VN1R1: variants seen among roughly 807,000 people sequenced by gnomAD.
VN1R1 encodes vomeronasal 1 receptor 1.
For synonymous variants in VN1R1, 168 were observed against 149.8 expected (o/e 1.12, Z -0.89); for missense variants, 391 against 410.3 (o/e 0.95, Z 0.41).
rs763828507 is a variant in VN1R1, at chr19:57,456,256, T to G, written c.231A>C (p.Gly77=). ...LCFYNLILFT[G]HKLRPTDLIL... ...TCAAGTCCGTGGGTCTCAGCTTGTG[T>G]CCAGTGAACAAAATTAAGTTATAAA... Residue 77 remains glycine (G), a synonymous_variant, in exon 1 of 1, where the codon GGA becomes GGC. Transcript: ENST00000321039. The G allele has an allele frequency of 1.1e-5, 18 of 1,613,776 alleles. No homozygotes were observed. The highest frequency in any genetic ancestry group is 1.5e-5 in the Non-Finnish European group (18 of 1,179,956).
At position 57,455,636 on chromosome 19, in the gene VN1R1, A is replaced by G. The variant is rs376318602; in HGVS notation, c.851T>C (p.Val284Ala). 9.2e-5 allele frequency: 148 copies of G among 1,614,128 alleles called. No homozygotes were observed. Among genetic ancestry groups the G allele is most frequent in the Middle Eastern group, 8.2e-4 (5 of 6,062 alleles). ...CAGAAAACTATGGACTGAATAGAAA[A>G]CAAAAAAGGAGCTCACCAGGACCAT... ...TIMVLVSSFF[V>A]FYSVHSFLTI... The change falls in exon 1 of 1, where the codon GTT becomes GCT. Residue 284 changes from valine (V) to alanine (A), a missense_variant. By Grantham distance (64) the Val-to-Ala change is moderately conservative. Transcript: ENST00000321039.
Position 57,456,503 on chromosome 19 carries a change from C to A in VN1R1, c.-17G>T. ...TCCAACCATATTTTCTCATCTTAAA[C>A]AGAAATTAAGATTGTCCCTGTTCGT... is the stretch of plus-strand genomic sequence containing the variant. On this transcript the variant is annotated 5_prime_UTR_variant, in exon 1 of 1. Transcript: ENST00000321039. 2.0e-6 allele frequency: 3 copies of A among 1,532,266 alleles called. No homozygotes were observed. Among genetic ancestry groups the A allele is most frequent in the Non-Finnish European group, 2.6e-6 (3 of 1,142,044 alleles). 94.9% of individuals were successfully genotyped at this position (1,532,266 alleles called of 1,614,324 possible). A position where few individuals can be genotyped will look rare whatever the true frequency, so the allele number is the denominator to read the frequency against.
At position 57,457,094 on chromosome 19, in the gene VN1R1, G is replaced by T. The variant is rs1213678454; in HGVS notation, c.-608C>A. On this transcript the variant is annotated 5_prime_UTR_variant, in exon 1 of 1. Coordinates refer to ENST00000321039, the MANE Select transcript of VN1R1 (RefSeq NM_020633.4). ...TAGCCGGGCATGGCGGCGCGTGCTA[G>T]TCCCAGCTACTCGGGAGGCTGAGGC... The T allele has an allele frequency of 6.6e-6, 1 of 151,504 alleles. No homozygotes were observed. Among genetic ancestry groups the T allele is most frequent in the Non-Finnish European group, 1.5e-5 (1 of 67,970 alleles). 9.4% of individuals were successfully genotyped at this position (151,504 alleles called of 1,614,324 possible).
chr19:57,456,545 G>T lies in VN1R1; in HGVS notation c.-59C>A. 7.1e-6 allele frequency: 10 copies of T among 1,406,034 alleles called. No individual in the cohort carries two copies. The highest frequency in any genetic ancestry group is 8.5e-6 in the Non-Finnish European group (9 of 1,054,516). 87.1% of individuals were successfully genotyped at this position (1,406,034 alleles called of 1,614,324 possible). On this transcript the variant is annotated 5_prime_UTR_variant, in exon 1 of 1. Coordinates refer to ENST00000321039, the MANE Select transcript of VN1R1 (RefSeq NM_020633.4). ...CCTGTTCGTGCAAAGGCAATTGCTT[G>T]TGTGTCCAACTGCAGAGAAGCAGGT...
In VN1R1 at chr19:57,455,418, A is replaced by C; in HGVS notation, c.*7T>G. The C allele has an allele frequency of 6.3e-7, 1 of 1,597,806 alleles. No homozygotes were observed. Among genetic ancestry groups the C allele is most frequent in the Non-Finnish European group, 8.5e-7 (1 of 1,172,728 alleles). On this transcript the variant is annotated 3_prime_UTR_variant, in exon 1 of 1. Coordinates refer to ENST00000321039, the MANE Select transcript of VN1R1 (RefSeq NM_020633.4). ...ATAAATAGCTGAATTCCATGAAGAGAAAAGACTCATGGCATGACAACCAGA... is the reference window on the plus strand; with the variant it reads ...ATAAATAGCTGAATTCCATGAAGAGCAAAGACTCATGGCATGACAACCAGA...
chr19:57,455,387 G>T lies in VN1R1; in HGVS notation c.*38C>A, dbSNP rs190092614. On this transcript the variant is annotated 3_prime_UTR_variant, in exon 1 of 1. Transcript: ENST00000321039. ...TAATATTTCCTAAATCTTAGCAAGA[G>T]TTATGATAAATAGCTGAATTCCATG... is the stretch of plus-strand genomic sequence containing the variant. The T allele has an allele frequency of 1.9e-6, 3 of 1,548,890 alleles. No homozygotes were observed.
Position 57,455,661 on chromosome 19 carries a change from T to A in VN1R1, c.826A>T (p.Met276Leu). The change falls in exon 1 of 1, where the codon ATG (methionine) becomes TTG (leucine). Residue 276 changes from methionine to leucine, a missense_variant. Met to Leu is a conservative substitution (Grantham distance 15). Coordinates refer to ENST00000321039, the MANE Select transcript of VN1R1 (RefSeq NM_020633.4). ...ACAAAAAAGGAGCTCACCAGGACCA[T>A]GATGGTGTGTGTGGCTCTGGCTTCC... ...SQEARATHTI[M>L]VLVSSFFVFY... The A allele has an allele frequency of 6.2e-7, 1 of 1,614,160 alleles. No homozygotes were observed. The highest frequency in any genetic ancestry group is 8.5e-7 in the Non-Finnish European group (1 of 1,180,012).
rs1337374948 is a variant in VN1R1, at chr19:57,455,751, G to C, written c.736C>G (p.Leu246Val). Residue 246 changes from leucine (L) to valine (V), a missense_variant, in exon 1 of 1, where the codon CTC (leucine) becomes GTC (valine). Leu to Val is a conservative substitution (Grantham distance 32). Transcript: ENST00000321039. ...VWASGSMVFF[L>V]YRHKQQVQHN... ...TGGACTTGCTGCTTGTGTCTGTAGA[G>C]GAAGAAGACCATGGAGCCACTGGCC... The C allele has an allele frequency of 6.2e-7, 1 of 1,614,174 alleles. No individual in the cohort carries two copies. Among genetic ancestry groups the C allele is most frequent in the East Asian group, 2.2e-5 (1 of 44,894 alleles).
rs1423719627 is a variant in VN1R1, at chr19:57,456,742, A to G, written c.-256T>C. ...ATTATACTATAGTTTGCAAAATGTA[A>G]TCATGACGGAACCCTGGGTAATATG... On this transcript the variant is annotated 5_prime_UTR_variant, in exon 1 of 1. Transcript: ENST00000321039. 5.8e-6 allele frequency: 2 copies of G among 343,778 alleles called. No individual in the cohort carries two copies. The highest frequency in any genetic ancestry group is 1.0e-5 in the Non-Finnish European group (2 of 190,928). 21.3% of individuals were successfully genotyped at this position (343,778 alleles called of 1,614,324 possible).
At position 57,455,867 on chromosome 19, in the gene VN1R1, T is replaced by A; in HGVS notation, c.620A>T (p.Tyr207Phe). ...TCTCTTTGATGCTTTGTAAGAACAG[T>A]ATCCATAATTGTTTTTTGCACTACT... Reference protein sequence around the residue: ...KNSSAKNNYGYCSYKASKRFS... With the variant: ...KNSSAKNNYGFCSYKASKRFS... The change falls in exon 1 of 1, where the codon TAC becomes TTC. Residue 207 changes from tyrosine to phenylalanine, a missense_variant. By Grantham distance (22) the Tyr-to-Phe change is conservative (BLOSUM62 3). Coordinates refer to ENST00000321039, the MANE Select transcript of VN1R1 (RefSeq NM_020633.4). 1 of 1,614,234 alleles carries A rather than the reference T, an allele frequency of 6.2e-7. No individual in the cohort carries two copies. Among genetic ancestry groups the A allele is most frequent in the Non-Finnish European group, 8.5e-7 (1 of 1,180,044 alleles).
chr19:57,456,451 C>A lies in VN1R1; in HGVS notation c.36G>T (p.Leu12=). ...AAAGCAGAAAGAAGTATCTTGTCAT[C>A]AGTGGAGACAGAAGTTTTAATGTGT... is the stretch of plus-strand genomic sequence containing the variant. ...VGDTLKLLSP[L]MTRYFFLLFY... is the part of the protein sequence containing the mutation. The change falls in exon 1 of 1, where the codon CTG becomes CTT. Residue 12 remains leucine (L), a synonymous_variant. Coordinates refer to ENST00000321039, the MANE Select transcript of VN1R1 (RefSeq NM_020633.4). 1 of 1,589,950 alleles carries A rather than the reference C, an allele frequency of 6.3e-7. No homozygotes were observed. The highest frequency in any genetic ancestry group is 8.6e-7 in the Non-Finnish European group (1 of 1,165,732).
Position 57,456,402 on chromosome 19 carries a change from G to C in VN1R1, c.85C>G (p.Leu29Val), listed in dbSNP as rs766933598. The change falls in exon 1 of 1, where the codon CTC (leucine) becomes GTC (valine). Residue 29 changes from leucine to valine, a missense_variant. Leu to Val is a conservative substitution (Grantham distance 32). Transcript: ENST00000321039. ...LLFYSTDSSDLNENQHPLDFD... is the reference protein window; with the variant it reads ...LLFYSTDSSDVNENQHPLDFD... ...TCTAGGGGATGTTGATTTTCATTGA[G>C]GTCTGAAGAATCAGTAGAATAAAAA... The C allele has an allele frequency of 6.2e-7, 1 of 1,612,004 alleles. No individual in the cohort carries two copies.
In VN1R1 at chr19:57,456,803, T is replaced by G. The variant is rs73936946; in HGVS notation, c.-317A>C. 4.3e-6 allele frequency: 1 copy of G among 231,044 alleles called. No homozygotes were observed. Among genetic ancestry groups the G allele is most frequent in the African/African-American group, 2.2e-5 (1 of 44,490 alleles). 14.3% of individuals were successfully genotyped at this position (231,044 alleles called of 1,614,324 possible). A position where few individuals can be genotyped will look rare whatever the true frequency, so the allele number is the denominator to read the frequency against. ...TTTCTGTATTATTTCTTATGACTGC[T>G]TGTGAGTCTACACTTATTTCAATAA... On this transcript the variant is annotated 5_prime_UTR_variant, in exon 1 of 1. Transcript: ENST00000321039.
Position 57,456,223 on chromosome 19 carries a change from G to A in VN1R1, c.264C>T (p.Ser88=), listed in dbSNP as rs553434064. The A allele has an allele frequency of 6.2e-7, 1 of 1,614,208 alleles. No individual in the cohort carries two copies. Among genetic ancestry groups the A allele is most frequent in the South Asian group, 1.1e-5 (1 of 91,086 alleles). ...CCATGGAGTTAGCCAAGGCCAGTTGGCTGAGAATCAAGTCCGTGGGTCTCA... is the reference window on the plus strand; with the variant it reads ...CCATGGAGTTAGCCAAGGCCAGTTGACTGAGAATCAAGTCCGTGGGTCTCA... ...HKLRPTDLIL[S]QLALANSMVL... is the part of the protein sequence containing the mutation. The change falls in exon 1 of 1, where the codon AGC becomes AGT. Residue 88 remains serine (S), a synonymous_variant. Transcript: ENST00000321039.
rs2089121902 is a variant in VN1R1 at position 57,454,850 on chromosome 19, T to A, written c.*575A>T. 1 of 152,280 alleles carries A rather than the reference T, an allele frequency of 6.6e-6. No individual in the cohort carries two copies. Among genetic ancestry groups the A allele is most frequent in the Non-Finnish European group, 1.5e-5 (1 of 68,144 alleles). 9.4% of individuals were successfully genotyped at this position (152,280 alleles called of 1,614,324 possible). A position where few individuals can be genotyped will look rare whatever the true frequency, so the allele number is the denominator to read the frequency against. ...CTCGTGCTTCACCCTCTGGAGTAGC[T>A]GGGACTACAGGTGTGTGCCACATGG... On this transcript the variant is annotated 3_prime_UTR_variant, in exon 1 of 1. Coordinates refer to ENST00000321039, the MANE Select transcript of VN1R1 (RefSeq NM_020633.4).
rs765008402 is a variant in VN1R1, at chr19:57,456,027, T to C, written c.460A>G (p.Ile154Val). Residue 154 changes from isoleucine to valine, a missense_variant, in exon 1 of 1, where the codon ATA becomes GTA. Physicochemically the swap from Ile to Val is conservative, Grantham distance 29. Coordinates refer to ENST00000321039, the MANE Select transcript of VN1R1 (RefSeq NM_020633.4). ...ATCTTGATCTCCATCCACCTGCATA[T>C]ACTGGGGTTGAGCTTAATGGCTTGG... is the stretch of plus-strand genomic sequence containing the variant. Reference protein sequence around the residue: ...GFQAIKLNPSICRWMEIKIRS... With the variant: ...GFQAIKLNPSVCRWMEIKIRS... 12 of 1,614,194 alleles carry C rather than the reference T, an allele frequency of 7.4e-6. No homozygotes were observed. Among genetic ancestry groups the C allele is most frequent in the Non-Finnish European group, 1.0e-5 (12 of 1,180,048 alleles).
At chr19:57,456,460 CAG>C in the VN1R1 span, 5 of 1,585,016 alleles carry the variant, frequency 3.2e-6, no homozygotes, top group Non-Finnish European at 4.3e-6. Context: ...TCAGTGGAGA[CAG>C]AAGTTTTAAT....
rs1362177729 is a variant in VN1R1, at chr19:57,457,057, T to C, written c.-571A>G. On this transcript the variant is annotated 5_prime_UTR_variant, in exon 1 of 1. Coordinates refer to ENST00000321039, the MANE Select transcript of VN1R1 (RefSeq NM_020633.4). ...CTCTACTAATAATACAAAATACTAA[T>C]AATACAAAAATTAGCCGGGCATGGC... The C allele has an allele frequency of 1.3e-5, 2 of 151,362 alleles. No individual in the cohort carries two copies. Among genetic ancestry groups the C allele is most frequent in the African/African-American group, 4.9e-5 (2 of 41,194 alleles). The allele number at this position is 151,362 out of a possible 1,614,324, so 9.4% of individuals were successfully genotyped here. A position where few individuals can be genotyped will look rare whatever the true frequency, so the allele number is the denominator to read the frequency against.
At position 57,455,473 on chromosome 19, in the gene VN1R1, G is replaced by A. The variant is rs745781789; in HGVS notation, c.1014C>T (p.Ala338=). ...GAAAGAGTGTTTTCCTTGTCCTGCA[G>A]GCAAAACAGAACTGAGAGATATGAG... The part of the protein sequence containing the change: ...SDTHISQFCF[A]CRTRKTLFPN... The change falls in exon 1 of 1, where the codon GCC becomes GCT. Residue 338 remains alanine, a synonymous_variant. Coordinates refer to ENST00000321039, the MANE Select transcript of VN1R1 (RefSeq NM_020633.4). The A allele has an allele frequency of 3.1e-6, 5 of 1,613,840 alleles. No homozygotes were observed. The highest frequency in any genetic ancestry group is 4.2e-6 in the Non-Finnish European group (5 of 1,179,950).
Sources: allele counts gnomAD v4.1 joint callset, GRCh38; gene constraint gnomAD v4.1.1; transcripts MANE v1.5; gene names NCBI Gene and HGNC (gene_info 2026-07-23, HGNC 2026-07-21).